The following STAC2 variants were observed in gnomAD, a reference collection of about 807,000 sequenced individuals.
STAC2 encodes SH3 and cysteine rich domain 2.
STAC2 carries 36 observed loss-of-function variants against 49.0 expected under a neutral mutation model. The observed-to-expected ratio is 0.74, with a 90% CI of 0.56 to 0.97. STAC2 has a LOEUF of 0.97. Among genes scored for constraint, STAC2 ranks in the 50% least tolerant of loss-of-function variants. The pLI is 0.00. For missense variants in STAC2, 527 were observed against 543.8 expected (o/e 0.97, Z 0.31); for synonymous variants, 239 against 214.7 (o/e 1.11, Z -0.99).
rs2046348069 is a variant in STAC2, at chr17:39,210,786, T to C, written c.*1506A>G. ...TGGGAGGGTGTAACTGTGCCCAGGA[T>C]GGGGGTGGCATGGGCTGGCACAATC... On this transcript the variant is annotated 3_prime_UTR_variant, in exon 11 of 11. Transcript: ENST00000333461. 1 of 152,104 alleles carries C rather than the reference T, an allele frequency of 6.6e-6. No homozygotes were observed. The highest frequency in any genetic ancestry group is 2.1e-4 in the South Asian group (1 of 4,776). 9.4% of individuals were successfully genotyped at this position (152,104 alleles called of 1,614,324 possible). A position where few individuals can be genotyped will look rare whatever the true frequency, so the allele number is the denominator to read the frequency against.
chr17:39,216,681 C>A (rs149227646), intron 4 of STAC2, 129 bp downstream of exon 4: 2 of 835,744 alleles, frequency 2.4e-6, no homozygotes, highest in South Asian at 3.5e-5. Context: ...TGGCTCACTG[C>A]AACCTCCGCC....
At chr17:39,214,083 T>A in intron 8 of STAC2, 150 bp downstream of exon 8, 1 of 811,180 alleles carries the variant, frequency 1.2e-6, no homozygotes. Context: ...TTAGCATGAG[T>A]CACTCTTAGA....
At chr17:39,213,744 T>C (rs976637272) in intron 8 of STAC2, among the ~76,000 whole-genome samples, 186 bp from the exon 9 acceptor site, 2 of 151,382 alleles carry the variant, frequency 1.3e-5, no homozygotes, top group Non-Finnish European at 2.9e-5. Flanking sequence ...AGGCACGATC[T>C]TGGCTCACTG....
In STAC2 at chr17:39,225,365, G is replaced by T; in HGVS notation, c.90+48C>A. ...CCACAGGAGGACCCCGCCGGGAAGA[G>T]GGCGCCCGGGCCCGGGGCGCGGACA... On this transcript the variant is annotated intron_variant, in intron 1 of 10. Transcript: ENST00000333461. The surrounding 1 kb of genome is among the most constrained non-coding windows in gnomAD (Gnocchi z 8.2). 1 of 1,518,274 alleles carries T rather than the reference G, an allele frequency of 6.6e-7. No individual in the cohort carries two copies. Among genetic ancestry groups the T allele is most frequent in the Non-Finnish European group, 8.8e-7 (1 of 1,130,510 alleles). The allele number at this position is 1,518,274 out of a possible 1,614,324, so 94.1% of individuals were successfully genotyped here.
At chr17:39,224,390 T>G (rs928228835) in intron 1 of STAC2, among the ~76,000 whole-genome samples, 4 of 152,120 alleles carry the variant, frequency 2.6e-5, no homozygotes, top group Non-Finnish European at 4.4e-5. Flanking sequence ...CACAGCCCTT[T>G]CTATCCCAAC....
chr17:39,215,087 C>T, intron 5 of STAC2, 31 bp downstream of exon 5: 5 of 1,614,034 alleles, frequency 3.1e-6, no homozygotes, highest in Non-Finnish European at 3.4e-6. Context: ...ACACCCCTCC[C>T]CAAAAGACCC....
chr17:39,217,821 C>G (rs1407599934), intron 2 of STAC2, 46 bp downstream of exon 2: 1 of 1,556,046 alleles, frequency 6.4e-7, no homozygotes, highest in African/African-American at 1.4e-5. Context: ...TCCCCAGTAC[C>G]CACGCTGGCC....
chr17:39,218,751 A>C (rs1023220350), intron 1 of STAC2, among the ~76,000 whole-genome samples: 1 of 139,910 alleles, frequency 7.1e-6, no homozygotes, highest in Non-Finnish European at 1.5e-5. Flanking sequence ...ACTCAAGTTT[A>C]GAAAAAAAAA....
At chr17:39,219,138 C>T (rs892084846) in intron 1 of STAC2, among the ~76,000 whole-genome samples, 1 of 152,134 alleles carries the variant, frequency 6.6e-6, no homozygotes, top group African/African-American at 2.4e-5. Flanking sequence ...CTTCCTAGCT[C>T]CTCGGGACAC....
rs761706456 is a variant in STAC2, at chr17:39,218,111, G to A, written c.153C>T (p.Asn51=). ...KTILRSKSLE[N]FFLRSGSELK... ...GCTCAGAGCCCGAGCGAAGGAAGAA[G>A]TTCTCCAAGCTCTTACTTCGGAGGA... is the stretch of plus-strand genomic sequence containing the variant. The change falls in exon 2 of 11, where the codon AAC becomes AAT. Residue 51 remains asparagine (N), a synonymous_variant. Coordinates refer to ENST00000333461, the MANE Select transcript of STAC2 (RefSeq NM_198993.5). 3.7e-6 allele frequency: 6 copies of A among 1,613,330 alleles called. No individual in the cohort carries two copies. In the East Asian group the frequency reaches 1.3e-4, roughly 36 times the overall value.
At chr17:39,213,587 T>C (rs2046374048) in intron 8 of STAC2, 29 bp from the exon 9 acceptor site, 1 of 1,611,992 alleles carries the variant, frequency 6.2e-7, no homozygotes, top group Non-Finnish European at 8.5e-7. Flanking sequence ...GGGTTGCATA[T>C]GGAGCAGGGA....
At chr17:39,213,945 G>A (rs1331498648) in intron 8 of STAC2, among the ~76,000 whole-genome samples, 4 of 152,094 alleles carry the variant, frequency 2.6e-5, no homozygotes, top group African/African-American at 9.7e-5. Flanking sequence ...CCAAAGTGCT[G>A]GGATTACAAG....
At position 39,225,478 on chromosome 17, in the gene STAC2, T is replaced by C. The variant is rs756343713; in HGVS notation, c.25A>G (p.Asn9Asp). The change falls in exon 1 of 11, where the codon AAC becomes GAC. Residue 9 changes from asparagine (N) to aspartate (D), a missense_variant. Asn to Asp is a conservative substitution (Grantham distance 23). Coordinates refer to ENST00000333461, the MANE Select transcript of STAC2 (RefSeq NM_198993.5). The surrounding 1 kb of genome is among the most constrained non-coding windows in gnomAD (Gnocchi z 8.2). MTEMSEKE[N>D]EPDDAATHSP... Reference sequence around the variant, plus strand: ...TGGGTGGCCGCGTCATCCGGTTCGTTCTCCTTCTCGCTCATCTCGGTCATG... The same window carrying C: ...TGGGTGGCCGCGTCATCCGGTTCGTCCTCCTTCTCGCTCATCTCGGTCATG... 4 of 1,610,186 alleles carry C rather than the reference T, an allele frequency of 2.5e-6. No individual in the cohort carries two copies. The South Asian group carries it at 4.4e-5, about 18-fold the overall frequency.
intron 1 of STAC2, 65 bp from the exon 2 acceptor site, chr17:39,218,238 T>C: frequency 6.4e-7 from 1 of 1,561,008 alleles, no homozygotes; most frequent in South Asian, 1.1e-5. Flanking sequence ...GGGCTTCCCT[T>C]CAGGGTGTCT....
chr17:39,213,739 C>T (rs1017551289), intron 8 of STAC2, among the ~76,000 whole-genome samples, 181 bp from the exon 9 acceptor site: 2 of 149,974 alleles, frequency 1.3e-5, no homozygotes, highest in South Asian at 2.1e-4. Context: ...TGCAGAGGCA[C>T]GATCTTGGCT....
intron 1 of STAC2, among the ~76,000 whole-genome samples, chr17:39,219,899 C>T (rs777413856): frequency 9.2e-5 from 14 of 152,224 alleles, no homozygotes; most frequent in Admixed American, 6.5e-4. Context: ...CCAGCTGGCA[C>T]GCTGGGTAGC....
intron 4 of STAC2, among the ~76,000 whole-genome samples, chr17:39,216,256 A>G (rs2046401034): frequency 6.6e-6 from 1 of 152,172 alleles, no homozygotes; most frequent in South Asian, 2.1e-4. Context: ...AGCTGGGATT[A>G]CAGGTATGAG....
chr17:39,219,573 C>A (rs546743861), intron 1 of STAC2, among the ~76,000 whole-genome samples: 3 of 152,196 alleles, frequency 2.0e-5, no homozygotes, highest in East Asian at 1.9e-4. Flanking sequence ...CAAATCCCCA[C>A]GCAGGCTCTC....
intron 8 of STAC2, 129 bp downstream of exon 8, chr17:39,214,104 T>C: frequency 1.9e-6 from 2 of 1,057,492 alleles, no homozygotes; most frequent in Non-Finnish European, 2.8e-6. Flanking sequence ...CCCTGGGCAG[T>C]TCCAGCTCCT....
Sources: allele counts gnomAD v4.1 joint callset (sites outside exome capture counted in the v4.1 genomes callset), GRCh38; gene constraint gnomAD v4.1.1; non-coding constraint Gnocchi (gnomAD v3.1); transcripts MANE v1.5; gene names NCBI Gene and HGNC (gene_info 2026-07-23, HGNC 2026-07-21).